Variants in SKAP2 observed in about 807,000 individuals in gnomAD.
SKAP2 encodes src kinase-associated phosphoprotein 2.
A neutral mutation model predicts 54.9 loss-of-function variants in SKAP2; 28 were observed. The observed-to-expected ratio is 0.51, with a 90% confidence interval of 0.38 to 0.70. The LOEUF (loss-of-function observed/expected upper bound fraction) is 0.70. SKAP2 is among the 30% of genes least tolerant of loss of function. SKAP2 has a pLI of 0.00. For synonymous variants in SKAP2, 137 were observed against 134.3 expected, an observed-to-expected ratio of 1.02 and a Z score of -0.14; for missense variants, 356 against 424.1, an observed-to-expected ratio of 0.84 and a Z score of 1.41.
At chr7:26,665,190 CA>C (rs1335048212), downstream of SKAP2, among the ~76,000 whole-genome samples, 2 of 152,158 alleles carry the variant, frequency 1.3e-5, no homozygotes, top group East Asian at 3.9e-4. Context: ...TGCAGGGCAG[CA>C]GTGATTTGAG....
chr7:26,720,806 AG>A (rs1787562113), intron 9 of SKAP2, among the ~76,000 whole-genome samples: 1 of 152,182 alleles, frequency 6.6e-6, no homozygotes. Flanking sequence ...AGAACTGGAT[AG>A]GGGACACTGC....
chr7:26,859,077 T>C (rs1584431398), intron 1 of SKAP2, among the ~76,000 whole-genome samples: 1 of 152,068 alleles, frequency 6.6e-6, no homozygotes, highest in African/African-American at 2.4e-5. Flanking sequence ...TCTACCACCA[T>C]ATGCTTAGCC....
chr7:26,799,306 T>C (rs955675845), intron 4 of SKAP2, among the ~76,000 whole-genome samples: 2 of 151,588 alleles, frequency 1.3e-5, no homozygotes, highest in African/African-American at 2.4e-5. Context: ...CATTGATCTG[T>C]TGCCTTACAG....
At chr7:26,757,676 T>C (rs886669581) in intron 4 of SKAP2, among the ~76,000 whole-genome samples, 1 of 152,322 alleles carries the variant, frequency 6.6e-6, no homozygotes, top group Non-Finnish European at 1.5e-5. Context: ...TGGTTCCATA[T>C]GAACTTTAAA....
chr7:26,792,124 A>T (rs950857108), intron 4 of SKAP2, among the ~76,000 whole-genome samples: 7 of 152,198 alleles, frequency 4.6e-5, no homozygotes, highest in African/African-American at 1.4e-4. Flanking sequence ...TATTGATATG[A>T]CCTTCTGGAA....
chr7:26,827,749 C>G (rs925583690), intron 4 of SKAP2, among the ~76,000 whole-genome samples: 4 of 152,166 alleles, frequency 2.6e-5, no homozygotes, highest in African/African-American at 9.7e-5. Context: ...AGATCACGTA[C>G]TTAGATAAGG....
the SKAP2 span, among the ~76,000 whole-genome samples, chr7:26,660,995 T>A: frequency 6.6e-6 from 1 of 152,102 alleles, no homozygotes; most frequent in Non-Finnish European, 1.5e-5. Context: ...GCATAACAAA[T>A]ATACTTAATA....
chr7:26,764,105 T>G (rs10258868), intron 4 of SKAP2, among the ~76,000 whole-genome samples: 2 of 152,156 alleles, frequency 1.3e-5, no homozygotes, highest in Non-Finnish European at 2.9e-5. Context: ...AGACAAAAGA[T>G]AGCAGTTTGG....
intron 4 of SKAP2, among the ~76,000 whole-genome samples, chr7:26,806,470 AG>A (rs1784026002): frequency 6.6e-6 from 1 of 152,210 alleles, no homozygotes; most frequent in African/African-American, 2.4e-5. Context: ...CCAGCTACTC[AG>A]GAAACAGGTA....
chr7:26,756,352 G>A (rs1270652679), intron 4 of SKAP2, among the ~76,000 whole-genome samples: 3 of 151,944 alleles, frequency 2.0e-5, no homozygotes, highest in African/African-American at 7.3e-5. Context: ...AACAGGTCCC[G>A]GTGTGTGATG....
chr7:26,833,901 C>G (rs1784652419), intron 4 of SKAP2, among the ~76,000 whole-genome samples: 1 of 152,226 alleles, frequency 6.6e-6, no homozygotes. Flanking sequence ...ATACATTCTT[C>G]TCAGCACCAC....
Position 26,719,262 on chromosome 7 carries a change from T to G in SKAP2, c.796+6166A>C, listed in dbSNP as rs111933211. 4.1e-4 allele frequency among the ~76,000 whole-genome samples: 63 copies of G among 152,326 alleles called. 1 individual carries two copies. The highest frequency in any genetic ancestry group is 1.5e-3 in the African/African-American group (62 of 41,580). ...AAAATAATCACACAGTATGGCTTGT[T>G]GTGAAGTACATTAAAGTGAGCTCCT... On this transcript the variant is annotated intron_variant, in intron 9 of 12. Coordinates refer to ENST00000345317, the MANE Select transcript of SKAP2 (RefSeq NM_003930.5).
At chr7:26,834,063 T>C (rs1012832847) in intron 4 of SKAP2, among the ~76,000 whole-genome samples, 9 of 152,132 alleles carry the variant, frequency 5.9e-5, no homozygotes, top group Non-Finnish European at 8.8e-5. Context: ...CACAACTACA[T>C]GGAAACTGAA....
At chr7:26,748,372 T>G (rs973924913) in intron 4 of SKAP2, among the ~76,000 whole-genome samples, 3 of 152,146 alleles carry the variant, frequency 2.0e-5, no homozygotes, top group Non-Finnish European at 4.4e-5. Context: ...CCGGGGAAGA[T>G]AGCATATCAA....
chr7:26,694,256 C>A (rs1471772319), intron 9 of SKAP2, among the ~76,000 whole-genome samples: 1 of 152,066 alleles, frequency 6.6e-6, no homozygotes, highest in Non-Finnish European at 1.5e-5. Context: ...ACAAAAACAG[C>A]TCAGCTATGC....
chr7:26,856,837 T>C (rs887337217), intron 1 of SKAP2, among the ~76,000 whole-genome samples: 2 of 152,182 alleles, frequency 1.3e-5, no homozygotes, highest in East Asian at 3.8e-4. Flanking sequence ...GAGTATTTAA[T>C]TGCCTATTTT....
At chr7:26,805,963 G>A (rs1396027584) in intron 4 of SKAP2, among the ~76,000 whole-genome samples, 2 of 151,940 alleles carry the variant, frequency 1.3e-5, no homozygotes. Flanking sequence ...GTGTCTCTGT[G>A]TCACCTTTTG....
chr7:26,864,140 AG>A (rs1001563007), intron 1 of SKAP2, among the ~76,000 whole-genome samples: 2 of 121,774 alleles, frequency 1.6e-5, no homozygotes, highest in Non-Finnish European at 3.6e-5. Context: ...ATCACCAAAA[AG>A]GGCTTCGCCA....
downstream of SKAP2, among the ~76,000 whole-genome samples, chr7:26,665,986 A>G (rs1786099632): frequency 6.9e-6 from 1 of 144,178 alleles, no homozygotes; most frequent in African/African-American, 2.9e-5. Context: ...ATATATATAT[A>G]CAGTGTACAC....
Sources: allele counts gnomAD v4.1 joint callset (sites outside exome capture counted in the v4.1 genomes callset), GRCh38; gene constraint gnomAD v4.1.1; transcripts MANE v1.5; gene names NCBI Gene and HGNC (gene_info 2026-07-23, HGNC 2026-07-21).